PLCD3: variants seen among roughly 807,000 people sequenced by gnomAD.
PLCD3 encodes 1-phosphatidylinositol 4,5-bisphosphate phosphodiesterase delta-3.
A neutral mutation model predicts 82.8 loss-of-function variants in PLCD3; 62 were observed. The ratio of observed to expected loss-of-function variants is 0.75; its 90% CI spans 0.61 to 0.93. PLCD3 has a LOEUF of 0.93. Ranked by LOEUF, PLCD3 falls within the 40% of genes least tolerant of loss-of-function variation. The pLI is 0.00. For missense variants in PLCD3, 1,023 were observed against 1,103.4 expected (o/e 0.93, Z 1.03); for synonymous variants, 478 against 471.8 (o/e 1.01, Z -0.17).
intron 1 of PLCD3, among the ~76,000 whole-genome samples, chr17:45,126,047 T>A (rs1220932744): frequency 6.8e-4 from 29 of 42,700 alleles, no homozygotes; most frequent in Admixed American, 1.9e-3. Context: ...TTTACCATAT[T>A]TTTTTTTTTT....
At position 45,118,323 on chromosome 17, in the gene PLCD3, G is replaced by A. The variant is rs1316719089; in HGVS notation, c.1083C>T (p.Ile361=). The change falls in exon 6 of 15, where the codon ATC becomes ATT. Residue 361 remains isoleucine, a synonymous_variant. Coordinates refer to ENST00000619929, the MANE Select transcript of PLCD3 (RefSeq NM_133373.5). The surrounding 1 kb of genome is among the most constrained non-coding windows in gnomAD (Gnocchi z 4.1). The part of the protein sequence containing the change: ...SHNTYLTDSQ[I]GGPSSTEAYV... ...AGGCCTCGGTGCTGCTGGGCCCCCCGATCTGGGAGTCAGTCAGATAGGTGT... is the reference window on the plus strand; with the variant it reads ...AGGCCTCGGTGCTGCTGGGCCCCCCAATCTGGGAGTCAGTCAGATAGGTGT... The A allele has an allele frequency of 9.9e-6, 16 of 1,613,936 alleles. No homozygotes were observed. The highest frequency in any genetic ancestry group is 2.2e-5 in the South Asian group (2 of 91,088).
intron 8 of PLCD3, among the ~76,000 whole-genome samples, chr17:45,116,058 C>T (rs1305906234): frequency 2.6e-5 from 4 of 152,270 alleles, no homozygotes; most frequent in Middle Eastern, 3.4e-3. Flanking sequence ...CACACACACA[C>T]GAGGGTGAGT....
chr17:45,132,486 C>T lies in PLCD3; in HGVS notation c.-76G>A, dbSNP rs1228114138. On this transcript the variant is annotated 5_prime_UTR_variant, in exon 1 of 15. Coordinates refer to ENST00000619929, the MANE Select transcript of PLCD3 (RefSeq NM_133373.5). This position sits in a 1 kb window ranked among gnomAD's most constrained non-coding sequence, Gnocchi z 4.6. The stretch of plus-strand genomic sequence containing the variant: ...GCAGCGGGGCGCCGCTCTGGCCCGG[C>T]CCCGGCTCTGAGCGAGGCGGCGAGC... 29 of 978,972 alleles carry T rather than the reference C, an allele frequency of 3.0e-5. No homozygotes were observed. The highest frequency in any genetic ancestry group is 3.6e-5 in the Non-Finnish European group (28 of 780,374). 60.6% of individuals were successfully genotyped at this position (978,972 alleles called of 1,614,324 possible).
rs774708015 is a variant in PLCD3, at chr17:45,113,561, C to T, written c.1873G>A (p.Ala625Thr). 1.6e-5 allele frequency: 25 copies of T among 1,559,810 alleles called. No homozygotes were observed. The South Asian group carries it at 2.6e-4, about 16-fold the overall frequency. ...QTPGYEMDLNAGRFLVNGQCG... is the reference protein window; with the variant it reads ...QTPGYEMDLNTGRFLVNGQCG... ...TGCCCATTGACTAGGAAGCGCCCGG[C>T]ATTGAGGTCCATCTCGTAGCCTGGC... Residue 625 changes from alanine (A) to threonine (T), a missense_variant, in exon 12 of 15, where the codon GCC becomes ACC. Ala to Thr is a moderately conservative substitution (Grantham distance 58). Coordinates refer to ENST00000619929, the MANE Select transcript of PLCD3 (RefSeq NM_133373.5).
chr17:45,118,061 C>G lies in PLCD3; in HGVS notation c.1193G>C (p.Gly398Ala), dbSNP rs1293484290. The change falls in exon 7 of 15, where the codon GGC (glycine) becomes GCC (alanine). Residue 398 changes from glycine to alanine, a missense_variant. This residue lies in a region of PLCD3 where 553 missense variants were observed against 655.7 expected (regional missense o/e 0.84). Coordinates refer to ENST00000619929, the MANE Select transcript of PLCD3 (RefSeq NM_133373.5). This position sits in a 1 kb window ranked among gnomAD's most constrained non-coding sequence, Gnocchi z 4.1. Reference protein sequence around the residue: ...GPGGEPVIYHGHTLTSKILFR... With the variant: ...GPGGEPVIYHAHTLTSKILFR... ...GAGAATCTTGGAGGTGAGGGTATGG[C>G]CATGATAGATGACGGGCTCCCCTCC... The G allele has an allele frequency of 6.2e-7, 1 of 1,613,696 alleles. No homozygotes were observed. Among genetic ancestry groups the G allele is most frequent in the Non-Finnish European group, 8.5e-7 (1 of 1,179,830 alleles).
At chr17:45,129,903 G>A (rs1484345659) in intron 1 of PLCD3, among the ~76,000 whole-genome samples, 1 of 152,198 alleles carries the variant, frequency 6.6e-6, no homozygotes, top group Non-Finnish European at 1.5e-5. Context: ...GCCACTCCCT[G>A]CCCTAGTCCC....
intron 1 of PLCD3, among the ~76,000 whole-genome samples, chr17:45,131,199 G>A (rs901611614): frequency 1.2e-4 from 19 of 152,214 alleles, no homozygotes; most frequent in Non-Finnish European, 2.5e-4. Flanking sequence ...ATGAGTCGAG[G>A]TAACAAGAAG....
intron 4 of PLCD3, 100 bp downstream of exon 4, chr17:45,120,224 AG>A: frequency 6.7e-7 from 1 of 1,489,876 alleles, no homozygotes; most frequent in East Asian, 2.3e-5. Flanking sequence ...AAAAAGCTGC[AG>A]GTGGAGAGGG....
At chr17:45,116,157 C>T (rs940482697) in intron 8 of PLCD3, among the ~76,000 whole-genome samples, 2 of 152,192 alleles carry the variant, frequency 1.3e-5, no homozygotes, top group Non-Finnish European at 2.9e-5. Context: ...GAGCCGAGGA[C>T]GCGCTCTGGT....
chr17:45,121,668 C>T (rs9895377), intron 1 of PLCD3, among the ~76,000 whole-genome samples: 2,438 of 152,302 alleles, frequency 0.016, 58 homozygotes, highest in African/African-American at 0.055. Context: ...TGCCCTCGGA[C>T]AATGCCTGGG....
chr17:45,122,544 G>A (rs1049368802), intron 1 of PLCD3, among the ~76,000 whole-genome samples: 4 of 152,124 alleles, frequency 2.6e-5, no homozygotes, highest in Non-Finnish European at 5.9e-5. Flanking sequence ...TCTAAATTCC[G>A]AAGTCTGGGG....
chr17:45,119,828 A>T (rs1396124256), intron 4 of PLCD3, among the ~76,000 whole-genome samples: 1 of 150,596 alleles, frequency 6.6e-6, no homozygotes, highest in East Asian at 1.9e-4. Context: ...GGGTCCCACC[A>T]TCCACATGCA....
At chr17:45,130,585 G>A (rs1567885662) in intron 1 of PLCD3, among the ~76,000 whole-genome samples, 1 of 152,178 alleles carries the variant, frequency 6.6e-6, no homozygotes, top group Admixed American at 6.5e-5. Flanking sequence ...CGATCACAGA[G>A]TCCAGCCCAG....
In PLCD3 at chr17:45,120,897, G is replaced by C. The variant is rs1044299641; in HGVS notation, c.554+5C>G. 7.0e-7 allele frequency: 1 copy of C among 1,423,486 alleles called. No homozygotes were observed. The highest frequency in any genetic ancestry group is 1.5e-5 in the African/African-American group (1 of 67,282). 88.2% of individuals were successfully genotyped at this position (1,423,486 alleles called of 1,614,324 possible). On this transcript the variant is annotated splice_donor_5th_base_variant and intron_variant, in intron 3 of 14. Coordinates refer to ENST00000619929, the MANE Select transcript of PLCD3 (RefSeq NM_133373.5). ...GGGCCCTCCCTCCCAGCCCCGGCAGGATATTGGTCTAGCCGCTCGCGCTGG... is the reference window on the plus strand; with the variant it reads ...GGGCCCTCCCTCCCAGCCCCGGCAGCATATTGGTCTAGCCGCTCGCGCTGG...
In PLCD3 at chr17:45,118,078, C is replaced by T; in HGVS notation, c.1176G>A (p.Glu392=). 2 of 1,613,850 alleles carry T rather than the reference C, an allele frequency of 1.2e-6. No homozygotes were observed. The highest frequency in any genetic ancestry group is 1.7e-6 in the Non-Finnish European group (2 of 1,179,836). The part of the protein sequence containing the change: ...ELDCWEGPGG[E]PVIYHGHTLT... ...GGGTATGGCCATGATAGATGACGGG[C>T]TCCCCTCCTGGCCCCTCCCAGCAGT... Residue 392 remains glutamate (E), a synonymous_variant, in exon 7 of 15, where the codon GAG becomes GAA. Coordinates refer to ENST00000619929, the MANE Select transcript of PLCD3 (RefSeq NM_133373.5). This position sits in a 1 kb window ranked among gnomAD's most constrained non-coding sequence, Gnocchi z 4.1.
Position 45,116,671 on chromosome 17 carries a change from C to T in PLCD3, c.1374G>A (p.Ala458=), listed in dbSNP as rs200532197. 4.7e-5 allele frequency: 76 copies of T among 1,609,258 alleles called. No individual in the cohort carries two copies. The African/African-American group carries it at 6.0e-4, about 13-fold the overall frequency. Residue 458 remains alanine (A), a synonymous_variant, in exon 8 of 15, where the codon GCG becomes GCA. Coordinates refer to ENST00000619929, the MANE Select transcript of PLCD3 (RefSeq NM_133373.5). ...GCTCCTCGGGATTTGGGGAGTCCAGCGCCTGTGTCACCAGCATGTCCCCCA... is the reference window on the plus strand; with the variant it reads ...GCTCCTCGGGATTTGGGGAGTCCAGTGCCTGTGTCACCAGCATGTCCCCCA... The part of the protein sequence containing the change: ...TILGDMLVTQ[A]LDSPNPEELP...
At chr17:45,114,406 G>T (rs771022670) in intron 10 of PLCD3, 40 bp from the exon 11 acceptor site, 1 of 1,498,832 alleles carries the variant, frequency 6.7e-7, no homozygotes, top group Non-Finnish European at 9.0e-7. Flanking sequence ...AGACTCCGGG[G>T]GTCCCTCACC....
chr17:45,126,646 A>G (rs2143589435), intron 1 of PLCD3, among the ~76,000 whole-genome samples: 1 of 151,318 alleles, frequency 6.6e-6, no homozygotes, highest in East Asian at 1.9e-4. Context: ...AATATGCTGG[A>G]AACCATTGTA....
rs748373506 is a variant in PLCD3 at position 45,118,044 on chromosome 17, T to C, written c.1210A>G (p.Lys404Glu). 1.2e-6 allele frequency: 2 copies of C among 1,613,766 alleles called. No homozygotes were observed. The highest frequency in any genetic ancestry group is 1.7e-6 in the Non-Finnish European group (2 of 1,179,828). ...VIYHGHTLTSKILFRDVVQAV... is the reference protein window; with the variant it reads ...VIYHGHTLTSEILFRDVVQAV... ...TGGACCACGTCCCGGAAGAGAATCT[T>C]GGAGGTGAGGGTATGGCCATGATAG... The change falls in exon 7 of 15, where the codon AAG becomes GAG. Residue 404 changes from lysine to glutamate, a missense_variant. By Grantham distance (56) the Lys-to-Glu change is moderately conservative. This residue lies in a region of PLCD3 where 553 missense variants were observed against 655.7 expected (regional missense o/e 0.84). Coordinates refer to ENST00000619929, the MANE Select transcript of PLCD3 (RefSeq NM_133373.5). This position sits in a 1 kb window ranked among gnomAD's most constrained non-coding sequence, Gnocchi z 4.1.
Sources: gnomAD v4.1 joint callset for allele counts (sites outside exome capture counted in the v4.1 genomes callset) on GRCh38, gnomAD v4.1.1 for gene constraint, gnomAD v4.1.1 regional missense constraint, Gnocchi (gnomAD v3.1) non-coding constraint, MANE v1.5 for transcripts, NCBI Gene and HGNC (gene_info 2026-07-23, HGNC 2026-07-21) for gene names.